The following MYBL1 variants were observed in gnomAD, a reference collection of about 807,000 sequenced individuals.
MYBL1 encodes the protein MYB proto-oncogene like 1.
A neutral mutation model predicts 96.3 loss-of-function variants in MYBL1; 17 were observed. The ratio of observed to expected loss-of-function variants is 0.18; its 90% CI spans 0.12 to 0.26. The LOEUF (loss-of-function observed/expected upper bound fraction) is 0.26. Among genes scored for constraint, MYBL1 ranks in the 10% least tolerant of loss-of-function variants. MYBL1 has a pLI of 1.00. For synonymous variants in MYBL1, 282 were observed against 292.7 expected (o/e 0.96, Z 0.37); for missense variants, 701 against 882.9 (o/e 0.79, Z 2.61).
Position 66,613,185 on chromosome 8 carries a change from C to T in MYBL1, c.-347G>A. On this transcript the variant is annotated 5_prime_UTR_variant, in exon 1 of 16. Coordinates refer to ENST00000522677, the MANE Select transcript of MYBL1 (RefSeq NM_001080416.4). ...GCCCGGCTCCGCCACAGGCGCCCGACCCCTGCCCTCTCCCCCGCAGCTAGC... is the reference window on the plus strand; with the variant it reads ...GCCCGGCTCCGCCACAGGCGCCCGATCCCTGCCCTCTCCCCCGCAGCTAGC... 1 of 400,748 alleles carries T rather than the reference C, an allele frequency of 2.5e-6. No homozygotes were observed. The highest frequency in any genetic ancestry group is 4.4e-6 in the Non-Finnish European group (1 of 226,492). 24.8% of individuals were successfully genotyped at this position (400,748 alleles called of 1,614,324 possible).
intron 8 of MYBL1, among the ~76,000 whole-genome samples, chr8:66,589,103 C>T (rs890977747): frequency 2.0e-5 from 3 of 152,200 alleles, no homozygotes; most frequent in Non-Finnish European, 4.4e-5. Flanking sequence ...TCAGAATATA[C>T]ACTTATTCAA....
At chr8:66,566,333 T>C in intron 14 of MYBL1, 90 bp from the exon 15 acceptor site, 1 of 703,070 alleles carries the variant, frequency 1.4e-6, no homozygotes, top group South Asian at 2.6e-5. Context: ...GGAAGCCCTG[T>C]TTATTTCCCT....
At chr8:66,584,213 A>G (rs1465137564) in intron 8 of MYBL1, among the ~76,000 whole-genome samples, 1 of 152,222 alleles carries the variant, frequency 6.6e-6, no homozygotes, top group African/African-American at 2.4e-5. Context: ...CAAGTTAACT[A>G]TAGAAAAAAC....
Position 66,580,260 on chromosome 8 carries a change from T to A in MYBL1, c.974A>T (p.Asp325Val), listed in dbSNP as rs1312638758. 1.9e-6 allele frequency: 3 copies of A among 1,613,710 alleles called. No individual in the cohort carries two copies. The highest frequency in any genetic ancestry group is 1.7e-5 in the Admixed American group (1 of 59,964). ...DEHTSEFYSM[D>V]ENQPVSAQQN... ...CTGAGCAGACACAGGCTGATTTTCATCCATACTGTAAAACTCACTAGTGTG... is the reference window on the plus strand; with the variant it reads ...CTGAGCAGACACAGGCTGATTTTCAACCATACTGTAAAACTCACTAGTGTG... Residue 325 changes from aspartate (D) to valine (V), a missense_variant, in exon 9 of 16, where the codon GAT becomes GTT. Coordinates refer to ENST00000522677, the MANE Select transcript of MYBL1 (RefSeq NM_001080416.4).
Position 66,576,140 on chromosome 8 carries a change from A to C in MYBL1, c.1337T>G (p.Ile446Ser). 1 of 1,613,946 alleles carries C rather than the reference A, an allele frequency of 6.2e-7. No individual in the cohort carries two copies. The change falls in exon 10 of 16, where the codon ATC (isoleucine) becomes AGC (serine). Residue 446 changes from isoleucine (I) to serine (S), a missense_variant. By Grantham distance (142) the Ile-to-Ser change is moderately radical. Transcript: ENST00000522677. ...NIAKFSTPPA[I>S]LRKKRKMRVG... ...TCGCATTTTTCTCTTCTTTCTGAGG[A>C]TGGCTGGTGGAGTGCTAAACTTGGC...
chr8:66,564,377 G>A lies in MYBL1; in HGVS notation c.*320C>T, dbSNP rs1465682095. ...ATCTATAACAAAACTGCAGCATCAAGAGAGTAGCAACATATATCTTGTGAA... is the reference window on the plus strand; with the variant it reads ...ATCTATAACAAAACTGCAGCATCAAAAGAGTAGCAACATATATCTTGTGAA... On this transcript the variant is annotated 3_prime_UTR_variant, in exon 16 of 16. Transcript: ENST00000522677. 1 of 167,474 alleles carries A rather than the reference G, an allele frequency of 6.0e-6. No individual in the cohort carries two copies. The highest frequency in any genetic ancestry group is 1.8e-4 in the South Asian group (1 of 5,436). 10.4% of individuals were successfully genotyped at this position (167,474 alleles called of 1,614,324 possible).
At chr8:66,588,005 C>T (rs186356931) in intron 8 of MYBL1, among the ~76,000 whole-genome samples, 8 of 152,166 alleles carry the variant, frequency 5.3e-5, no homozygotes, top group Admixed American at 3.9e-4. Flanking sequence ...AAAGCAAATT[C>T]GATGTGTTTT....
chr8:66,564,958 T>C (rs1808447015), intron 15 of MYBL1, 133 bp from the exon 16 acceptor site: 2 of 497,678 alleles, frequency 4.0e-6, no homozygotes, highest in Middle Eastern at 5.4e-4. Flanking sequence ...GTTTTAACAA[T>C]GGCACTGTAT....
intron 6 of MYBL1, 46 bp from the exon 7 acceptor site, chr8:66,593,240 A>G (rs1247900741): frequency 2.1e-5 from 26 of 1,245,268 alleles, no homozygotes; most frequent in Non-Finnish European, 2.7e-5. Context: ...AATGCTATAA[A>G]TGTTGAAAAT....
intron 7 of MYBL1, among the ~76,000 whole-genome samples, 189 bp downstream of exon 7, chr8:66,592,931 T>C (rs1809704684): frequency 6.6e-6 from 1 of 152,196 alleles, no homozygotes; most frequent in African/African-American, 2.4e-5. Context: ...GTATCATCAA[T>C]CACATTTGTA....
At chr8:66,603,333 A>C (rs1044931182) in intron 1 of MYBL1, among the ~76,000 whole-genome samples, 1 of 152,194 alleles carries the variant, frequency 6.6e-6, no homozygotes, top group African/African-American at 2.4e-5. Flanking sequence ...GTAATGGTAA[A>C]ATATAAACCG....
Position 66,586,042 on chromosome 8 carries a change from GT to G in MYBL1, c.868-5677del, listed in dbSNP as rs578179482. Among the ~76,000 whole-genome samples, 452 of 105,810 alleles carry G rather than the reference GT, an allele frequency of 4.3e-3. 2 individuals are homozygous for G. The highest frequency in any genetic ancestry group is 0.034 in the East Asian group (128 of 3,764). The allele number at this position is 105,810 out of a possible 152,430, so 69.4% of individuals were successfully genotyped here. The stretch of plus-strand genomic sequence containing the variant: ...TCTGGTTTGGGTTTTGTTTTTTGGT[GT>G]TTTTTTTTTTTTTTTTTTTTGAGAT... On this transcript the variant is annotated intron_variant, in intron 8 of 15. Transcript: ENST00000522677.
Position 66,564,595 on chromosome 8 carries a change from C to T in MYBL1, c.*102G>A. On this transcript the variant is annotated 3_prime_UTR_variant, in exon 16 of 16. Coordinates refer to ENST00000522677, the MANE Select transcript of MYBL1 (RefSeq NM_001080416.4). Reference sequence around the variant, plus strand: ...AAAGATGCTGTATTAAAAGGGCTATCTTACAACTTTAAAAACAACTAATTG... The same window carrying T: ...AAAGATGCTGTATTAAAAGGGCTATTTTACAACTTTAAAAACAACTAATTG... 9.8e-7 allele frequency: 1 copy of T among 1,019,046 alleles called. No individual in the cohort carries two copies. The highest frequency in any genetic ancestry group is 1.3e-6 in the Non-Finnish European group (1 of 746,812). The allele number at this position is 1,019,046 out of a possible 1,614,324, so 63.1% of individuals were successfully genotyped here.
At chr8:66,572,827 G>C (rs1350943297) in intron 11 of MYBL1, among the ~76,000 whole-genome samples, 1 of 152,038 alleles carries the variant, frequency 6.6e-6, no homozygotes, top group Non-Finnish European at 1.5e-5. Flanking sequence ...AGAAATGTTT[G>C]AAAAAGTACT....
chr8:66,564,274 G>C lies in MYBL1; in HGVS notation c.*423C>G, dbSNP rs1260536699. Reference sequence around the variant, plus strand: ...TGGTAGCCTAAGTAAATCAGCACATGGGCAAAAGTACTTCATAAAATCATG... The same window carrying C: ...TGGTAGCCTAAGTAAATCAGCACATCGGCAAAAGTACTTCATAAAATCATG... On this transcript the variant is annotated 3_prime_UTR_variant, in exon 16 of 16. Coordinates refer to ENST00000522677, the MANE Select transcript of MYBL1 (RefSeq NM_001080416.4). 6.6e-6 allele frequency: 1 copy of C among 152,204 alleles called. No homozygotes were observed. The highest frequency in any genetic ancestry group is 1.5e-5 in the Non-Finnish European group (1 of 67,922). 9.4% of individuals were successfully genotyped at this position (152,204 alleles called of 1,614,324 possible). A position where few individuals can be genotyped will look rare whatever the true frequency, so the allele number is the denominator to read the frequency against.
At chr8:66,602,395 A>G in intron 2 of MYBL1, 23 bp downstream of exon 2, 1 of 1,516,708 alleles carries the variant, frequency 6.6e-7, no homozygotes, top group Non-Finnish European at 9.0e-7. Context: ...GTAAGAAACT[A>G]TGAAACCTTG....
intron 6 of MYBL1, among the ~76,000 whole-genome samples, chr8:66,594,178 G>A (rs1309449837): frequency 2.6e-5 from 4 of 151,488 alleles, no homozygotes; most frequent in African/African-American, 9.7e-5. Context: ...CCATAAATAT[G>A]AAATTGTCTG....
rs1247742578 is a variant in MYBL1, at chr8:66,611,917, A to G, written c.20+902T>C. On this transcript the variant is annotated intron_variant, in intron 1 of 15. Coordinates refer to ENST00000522677, the MANE Select transcript of MYBL1 (RefSeq NM_001080416.4). ...TAAATATTTGGAAATCCTGCCAAACATCTTTTCAGGTTTATTTGATAATGC... is the reference window on the plus strand; with the variant it reads ...TAAATATTTGGAAATCCTGCCAAACGTCTTTTCAGGTTTATTTGATAATGC... 2.0e-5 allele frequency among the ~76,000 whole-genome samples: 3 copies of G among 152,236 alleles called. No homozygotes were observed. The East Asian group carries it at 5.8e-4, about 29-fold the overall frequency.
intron 9 of MYBL1, among the ~76,000 whole-genome samples, chr8:66,579,599 G>A (rs1475374075): frequency 3.3e-5 from 5 of 151,748 alleles, no homozygotes; most frequent in South Asian, 2.1e-4. Flanking sequence ...ACAGGTTGCA[G>A]TGAACTGAGA....
Sources: allele counts gnomAD v4.1 joint callset (sites outside exome capture counted in the v4.1 genomes callset), GRCh38; gene constraint gnomAD v4.1.1; transcripts MANE v1.5; gene names NCBI Gene and HGNC (gene_info 2026-07-23, HGNC 2026-07-21).